The following DDX18 variants were observed in gnomAD, a reference collection of about 807,000 sequenced individuals.
DDX18 encodes the protein ATP-dependent RNA helicase DDX18.
In DDX18, 23 loss-of-function variants were observed where a neutral mutation model predicts 73.5. The observed-to-expected ratio is 0.31, with a 90% CI of 0.23 to 0.44. The LOEUF is 0.44. Ranked by LOEUF, DDX18 falls within the 20% of genes least tolerant of loss-of-function variation. The pLI is 1.00. For synonymous variants in DDX18, 268 were observed against 282.7 expected (o/e 0.95, Z 0.52); for missense variants, 753 against 792.9 (o/e 0.95, Z 0.60).
chr2:117,824,406 G>A (rs1307649534), intron 7 of DDX18, 163 bp from the exon 8 acceptor site: 1 of 564,084 alleles, frequency 1.8e-6, no homozygotes, highest in African/African-American at 1.9e-5. Context: ...TATAGACCTA[G>A]TGTTTCATGA....
intron 10 of DDX18, 112 bp from the exon 11 acceptor site, chr2:117,826,157 C>T (rs536537745): frequency 6.1e-6 from 5 of 819,072 alleles, no homozygotes; most frequent in Admixed American, 2.3e-5. Context: ...TGGCCCAGCA[C>T]CGTGGGACTA....
chr2:117,818,413 G>T lies in DDX18; in HGVS notation c.370+685G>T, dbSNP rs2551894. Among the ~76,000 whole-genome samples the T allele has an allele frequency of 3.7e-3, 557 of 152,230 alleles. 6 individuals carry two copies. The highest frequency in any genetic ancestry group is 0.013 in the African/African-American group (526 of 41,534). ...TAAACTATTTACTATCTGGCCCTTT[G>T]CGGAAAGTTTGCCAGCCCCTGAGTT... On this transcript the variant is annotated intron_variant, in intron 2 of 13. Coordinates refer to ENST00000263239, the MANE Select transcript of DDX18 (RefSeq NM_006773.4).
At chr2:117,825,912 T>A (rs1002519954) in intron 10 of DDX18, 2 of 407,302 alleles carry the variant, frequency 4.9e-6, no homozygotes, top group Non-Finnish European at 8.7e-6. Context: ...GTAGTATATG[T>A]GGTAGAATAA....
intron 1 of DDX18, among the ~76,000 whole-genome samples, chr2:117,815,302 C>G (rs1679738879): frequency 6.6e-6 from 1 of 152,228 alleles, no homozygotes; most frequent in Non-Finnish European, 1.5e-5. Flanking sequence ...GCCCGTCTGG[C>G]TGTTTCCACA....
chr2:117,820,830 A>G (rs1573410383), intron 3 of DDX18, among the ~76,000 whole-genome samples: 4 of 151,912 alleles, frequency 2.6e-5, no homozygotes, highest in Admixed American at 2.0e-4. Flanking sequence ...CTTTTATATC[A>G]GATTTCTTAA....
At chr2:117,821,040 T>G (rs1352881172) in intron 3 of DDX18, 121 bp from the exon 4 acceptor site, 2 of 929,696 alleles carry the variant, frequency 2.2e-6, no homozygotes, top group African/African-American at 1.7e-5. Flanking sequence ...TATGAATAAT[T>G]AAGGTTTAGC....
rs374264842 is a variant in DDX18, at chr2:117,828,900, G to A, written c.1636-49G>A. The stretch of plus-strand genomic sequence containing the variant: ...TTCCCTGTCTTCAGTACCCAGTATC[G>A]GAATGCTGATCATCCTGGTTTACTA... On this transcript the variant is annotated intron_variant, in intron 11 of 13. Transcript: ENST00000263239. 29 of 1,329,000 alleles carry A rather than the reference G, an allele frequency of 2.2e-5. No homozygotes were observed. The African/African-American group carries it at 2.3e-4, about 11-fold the overall frequency. The allele number at this position is 1,329,000 out of a possible 1,614,324, so 82.3% of individuals were successfully genotyped here.
In DDX18 at chr2:117,821,699, C is replaced by G. The variant is rs1679849215; in HGVS notation, c.700C>G (p.Leu234Val). The G allele has an allele frequency of 6.2e-7, 1 of 1,614,048 alleles. No individual in the cohort carries two copies. Among genetic ancestry groups the G allele is most frequent in the Non-Finnish European group, 8.5e-7 (1 of 1,179,936 alleles). ...AGGCAGTGGTAAAACCCTGGCTTTT[C>G]TCATCCCTGCAGTTGAACTCATTGT... Reference protein sequence around the residue: ...KTGSGKTLAFLIPAVELIVKL... With the variant: ...KTGSGKTLAFVIPAVELIVKL... The change falls in exon 5 of 14, where the codon CTC (leucine) becomes GTC (valine). Residue 234 changes from leucine to valine, a missense_variant. By Grantham distance (32) the Leu-to-Val change is conservative (BLOSUM62 1). Transcript: ENST00000263239.
At chr2:117,819,846 G>A in intron 3 of DDX18, 54 bp downstream of exon 3, 1 of 1,473,042 alleles carries the variant, frequency 6.8e-7, no homozygotes, top group Non-Finnish European at 9.0e-7. Flanking sequence ...GCCTCTCTTA[G>A]AGGATTATAG....
intron 2 of DDX18, 138 bp from the exon 3 acceptor site, chr2:117,819,511 T>C: frequency 3.5e-6 from 3 of 855,034 alleles, no homozygotes; most frequent in Non-Finnish European, 5.1e-6. Context: ...CCAAACAGAA[T>C]TCTTAACAAA....
intron 11 of DDX18, 43 bp from the exon 12 acceptor site, chr2:117,828,906 C>A: frequency 7.2e-7 from 1 of 1,382,366 alleles, no homozygotes; most frequent in Non-Finnish European, 1.0e-6. Context: ...TATCGGAATG[C>A]TGATCATCCT....
chr2:117,823,397 G>T (rs1439588327), intron 7 of DDX18, among the ~76,000 whole-genome samples: 1 of 152,100 alleles, frequency 6.6e-6, no homozygotes, highest in Non-Finnish European at 1.5e-5. Context: ...TTATCTCTGA[G>T]TGTTTCATTA....
At chr2:117,821,554 G>T (rs1364884366) in intron 4 of DDX18, 96 bp from the exon 5 acceptor site, 2 of 1,375,654 alleles carry the variant, frequency 1.5e-6, no homozygotes, top group African/African-American at 1.4e-5. Context: ...GACGTTTCTT[G>T]TTCATGTTCT....
rs1680009713 is a variant in DDX18 at position 117,830,758 on chromosome 2, T to G, written c.*34T>G. 9 of 1,598,810 alleles carry G rather than the reference T, an allele frequency of 5.6e-6. No homozygotes were observed. In the East Asian group the frequency reaches 2.0e-4, roughly 36 times the overall value. ...CTTCCTTTCATCTTGAATAACTTTGTCCTAAAATGAATTTTTTTTCCCCTT... is the reference window on the plus strand; with the variant it reads ...CTTCCTTTCATCTTGAATAACTTTGGCCTAAAATGAATTTTTTTTCCCCTT... On this transcript the variant is annotated 3_prime_UTR_variant, in exon 14 of 14. Transcript: ENST00000263239.
At chr2:117,821,407 TC>T in intron 4 of DDX18, 111 bp downstream of exon 4, 1 of 1,334,932 alleles carries the variant, frequency 7.5e-7, no homozygotes, top group Non-Finnish European at 1.0e-6. Context: ...GGGTCATGTA[TC>T]CAGCATACAT....
Position 117,825,741 on chromosome 2 carries a change from G to GA in DDX18, c.1521+146dup, listed in dbSNP as rs1273296747. 21 of 1,035,634 alleles carry GA rather than the reference G, an allele frequency of 2.0e-5. No homozygotes were observed. In the Admixed American group the frequency reaches 5.0e-4, roughly 25 times the overall value. The allele number at this position is 1,035,634 out of a possible 1,614,324, so 64.2% of individuals were successfully genotyped here. ...GTGACTGCAGTATTTCTCTGGTATT[G>GA]AAAAGTACTTAAGGCTTTTCAGGGC... is the stretch of plus-strand genomic sequence containing the variant. On this transcript the variant is annotated intron_variant, in intron 10 of 13. Coordinates refer to ENST00000263239, the MANE Select transcript of DDX18 (RefSeq NM_006773.4).
chr2:117,815,219 T>G (rs2104617752), intron 1 of DDX18: 1 of 242,972 alleles, frequency 4.1e-6, no homozygotes, highest in African/African-American at 2.2e-5. Flanking sequence ...TCATTTCCGG[T>G]TATGCTGCAT....
intron 1 of DDX18, among the ~76,000 whole-genome samples, chr2:117,817,185 C>G (rs1261060059): frequency 2.6e-5 from 4 of 152,302 alleles, no homozygotes; most frequent in Admixed American, 6.5e-5. Flanking sequence ...CTGTCCTAGA[C>G]TCCTTAAAGT....
At chr2:117,823,002 TTTAAC>T (rs1285795544) in intron 7 of DDX18, among the ~76,000 whole-genome samples, 1 of 152,208 alleles carries the variant, frequency 6.6e-6, no homozygotes, top group Non-Finnish European at 1.5e-5. Flanking sequence ...TTAGTGTATG[TTTAAC>T]TTTTTAAAAA....
Sources: allele counts gnomAD v4.1 joint callset (sites outside exome capture counted in the v4.1 genomes callset), GRCh38; gene constraint gnomAD v4.1.1; transcripts MANE v1.5; gene names NCBI Gene and HGNC (gene_info 2026-07-23, HGNC 2026-07-21).